The following EIF2AK3 variants were observed in gnomAD, a reference collection of about 807,000 sequenced individuals.
The protein encoded by EIF2AK3 is eukaryotic translation initiation factor 2-alpha kinase 3.
A neutral mutation model predicts 113.5 loss-of-function variants in EIF2AK3; 50 were observed. The observed-to-expected ratio is 0.44, with a 90% CI of 0.35 to 0.56. The LOEUF is 0.56. Among genes scored for constraint, EIF2AK3 ranks in the 20% least tolerant of loss-of-function variants. EIF2AK3 has a pLI of 0.00. For synonymous variants in EIF2AK3, 448 were observed against 495.4 expected, an observed-to-expected ratio of 0.90 and a Z score of 1.27; for missense variants, 1,185 against 1,378.0, an observed-to-expected ratio of 0.86 and a Z score of 2.22.
At position 88,585,721 on chromosome 2, in the gene EIF2AK3, G is replaced by C. The variant is rs934019899; in HGVS notation, c.1650+120C>G. Reference sequence around the variant, plus strand: ...CATTTAACACAAGGAAGATCACTGAGAACTTTGGCAAGAGTAGCTTTGGTG... The same window carrying C: ...CATTTAACACAAGGAAGATCACTGACAACTTTGGCAAGAGTAGCTTTGGTG... On this transcript the variant is annotated intron_variant, in intron 9 of 16. Transcript: ENST00000303236. 4.5e-6 allele frequency: 4 copies of C among 883,406 alleles called. No homozygotes were observed. The African/African-American group carries it at 5.1e-5, about 11-fold the overall frequency. 54.7% of individuals were successfully genotyped at this position (883,406 alleles called of 1,614,324 possible).
At chr2:88,573,505 A>AG (rs1276907533) in intron 13 of EIF2AK3, among the ~76,000 whole-genome samples, 2 of 152,168 alleles carry the variant, frequency 1.3e-5, no homozygotes, top group African/African-American at 2.4e-5. Flanking sequence ...CTCTCAAATT[A>AG]GGGGTGTGTG....
At chr2:88,574,547 G>T in intron 13 of EIF2AK3, 119 bp downstream of exon 13, 1 of 1,271,206 alleles carries the variant, frequency 7.9e-7, no homozygotes, top group Non-Finnish European at 1.1e-6. Flanking sequence ...TCAGACCTCT[G>T]CTCTCAGATG....
Position 88,575,151 on chromosome 2 carries a change from C to T in EIF2AK3, c.2332G>A (p.Gly778Ser). ...TCAAAGGAGTGCCCCTCATCATTGC[C>T]ATCCATAGTCCCATCTTCCACATCA... is the stretch of plus-strand genomic sequence containing the variant. ...DCDVEDGTMD[G>S]NDEGHSFELC... Residue 778 changes from glycine (G) to serine (S), a missense_variant, in exon 13 of 17, where the codon GGC (glycine) becomes AGC (serine). Transcript: ENST00000303236. 6.2e-7 allele frequency: 1 copy of T among 1,614,078 alleles called. No individual in the cohort carries two copies. Among genetic ancestry groups the T allele is most frequent in the Non-Finnish European group, 8.5e-7 (1 of 1,179,972 alleles).
chr2:88,620,797 C>T (rs572287326), intron 1 of EIF2AK3, among the ~76,000 whole-genome samples: 1 of 152,320 alleles, frequency 6.6e-6, no homozygotes, highest in Non-Finnish European at 1.5e-5. Flanking sequence ...ATTATCCATT[C>T]GAGGATAGTT....
At chr2:88,609,569 C>G (rs764490467) in intron 2 of EIF2AK3, among the ~76,000 whole-genome samples, 5 of 152,156 alleles carry the variant, frequency 3.3e-5, no homozygotes, top group Non-Finnish European at 7.4e-5. Flanking sequence ...TTCTGCATGA[C>G]TAATTAGGAA....
At chr2:88,574,231 T>C (rs1674390712) in intron 13 of EIF2AK3, among the ~76,000 whole-genome samples, 1 of 152,128 alleles carries the variant, frequency 6.6e-6, no homozygotes, top group Non-Finnish European at 1.5e-5. Flanking sequence ...CCCATGTCTC[T>C]CCTTCCATTC....
chr2:88,586,077 T>A lies in EIF2AK3; in HGVS notation c.1430-16A>T. On this transcript the variant is annotated splice_polypyrimidine_tract_variant and intron_variant, in intron 8 of 16. Transcript: ENST00000303236. ...TAACCATTATCTTCAAATAGAAACA[T>A]TAAAACGTTTTTTTTAAAGGTAATC... is the stretch of plus-strand genomic sequence containing the variant. 1 of 1,608,382 alleles carries A rather than the reference T, an allele frequency of 6.2e-7. No homozygotes were observed. The highest frequency in any genetic ancestry group is 8.5e-7 in the Non-Finnish European group (1 of 1,175,288).
intron 1 of EIF2AK3, among the ~76,000 whole-genome samples, chr2:88,616,370 C>T (rs1287914939): frequency 2.0e-5 from 3 of 152,112 alleles, no homozygotes; most frequent in African/African-American, 7.2e-5. Flanking sequence ...GTTCCTTCTG[C>T]CTGGAACATA....
At chr2:88,587,883 ATGTTTTAT>A in intron 8 of EIF2AK3, 91 bp downstream of exon 8, 1 of 806,746 alleles carries the variant, frequency 1.2e-6, no homozygotes, top group Non-Finnish European at 1.9e-6. Flanking sequence ...GTCTCCCAAG[ATGTTTTAT>A]TGTCTATACT....
chr2:88,583,106 C>T (rs1674638148), intron 10 of EIF2AK3, among the ~76,000 whole-genome samples: 1 of 152,008 alleles, frequency 6.6e-6, no homozygotes, highest in Admixed American at 6.6e-5. Flanking sequence ...AACGTGGAGA[C>T]TCATATCACA....
intron 2 of EIF2AK3, among the ~76,000 whole-genome samples, chr2:88,597,973 C>T (rs1675058393): frequency 2.0e-5 from 3 of 152,048 alleles, no homozygotes; most frequent in Admixed American, 1.3e-4. Flanking sequence ...ACCAGGGCTC[C>T]TCAGAGAAAT....
chr2:88,627,254 C>A lies in EIF2AK3; in HGVS notation c.21G>T (p.Pro7=). Residue 7 remains proline (P), a synonymous_variant, in exon 1 of 17, where the codon CCG becomes CCT. Coordinates refer to ENST00000303236, the MANE Select transcript of EIF2AK3 (RefSeq NM_004836.7). ...GCAGCAGCGCCCGTACCAGCAGCCCCGGGCTGATGGCGCGCTCCATCAGCG... is the reference window on the plus strand; with the variant it reads ...GCAGCAGCGCCCGTACCAGCAGCCCAGGGCTGATGGCGCGCTCCATCAGCG... MERAIS[P]GLLVRALLLL... 4 of 1,486,900 alleles carry A rather than the reference C, an allele frequency of 2.7e-6. No individual in the cohort carries two copies. Among genetic ancestry groups the A allele is most frequent in the Non-Finnish European group, 3.6e-6 (4 of 1,124,388 alleles). 92.1% of individuals were successfully genotyped at this position (1,486,900 alleles called of 1,614,324 possible).
intron 8 of EIF2AK3, among the ~76,000 whole-genome samples, chr2:88,586,721 A>T (rs1387274174): frequency 1.3e-5 from 2 of 150,420 alleles, no homozygotes; most frequent in Non-Finnish European, 3.0e-5. Context: ...CCTCCTGAGC[A>T]GCTGGGACTA....
intron 1 of EIF2AK3, among the ~76,000 whole-genome samples, chr2:88,621,631 C>T (rs926093760): frequency 5.3e-5 from 8 of 152,176 alleles, no homozygotes; most frequent in Admixed American, 5.2e-4. Flanking sequence ...ACTGATTAGA[C>T]TATACTTCCT....
intron 2 of EIF2AK3, 163 bp from the exon 3 acceptor site, chr2:88,595,826 G>T: frequency 1.3e-6 from 1 of 753,968 alleles, no homozygotes; most frequent in Non-Finnish European, 2.3e-6. Context: ...AGTAGCACAT[G>T]AAGCAGTGCA....
intron 14 of EIF2AK3, among the ~76,000 whole-genome samples, chr2:88,565,168 C>G (rs551021629): frequency 7.9e-5 from 12 of 151,048 alleles, no homozygotes; most frequent in Non-Finnish European, 1.3e-4. Flanking sequence ...TCCCAAGTAG[C>G]TGGGATTACA....
chr2:88,564,457 A>G (rs570110669), intron 14 of EIF2AK3, among the ~76,000 whole-genome samples: 3 of 152,192 alleles, frequency 2.0e-5, no homozygotes, highest in Non-Finnish European at 4.4e-5. Context: ...TAAAATTTCT[A>G]CAGCTATCCT....
At chr2:88,621,483 T>A (rs1012234251) in intron 1 of EIF2AK3, among the ~76,000 whole-genome samples, 2 of 152,070 alleles carry the variant, frequency 1.3e-5, no homozygotes, top group Non-Finnish European at 2.9e-5. Flanking sequence ...TTTCTGGGGG[T>A]TGGGGAGAGG....
rs1442109327 is a variant in EIF2AK3 at position 88,574,785 on chromosome 2, T to C, written c.2698A>G (p.Met900Val). ...LCRKENLKDW[M>V]NGRCTIEERE... is the part of the protein sequence containing the mutation. ...TCCTCTATGGTACATCGTCCATTCA[T>C]CCAGTCTTTGAGGTTTTCTTTTCTG... The change falls in exon 13 of 17, where the codon ATG becomes GTG. Residue 900 changes from methionine to valine, a missense_variant. Coordinates refer to ENST00000303236, the MANE Select transcript of EIF2AK3 (RefSeq NM_004836.7). 1.2e-6 allele frequency: 2 copies of C among 1,614,214 alleles called. No homozygotes were observed. The highest frequency in any genetic ancestry group is 1.7e-6 in the Non-Finnish European group (2 of 1,180,034).
Sources: allele counts gnomAD v4.1 joint callset (sites outside exome capture counted in the v4.1 genomes callset), GRCh38; gene constraint gnomAD v4.1.1; transcripts MANE v1.5; gene names NCBI Gene and HGNC (gene_info 2026-07-23, HGNC 2026-07-21).